Variants in FAM219A observed in about 807,000 individuals in gnomAD.
FAM219A encodes family with sequence similarity 219 member A.
FAM219A carries 7 observed loss-of-function variants against 23.4 expected under a neutral mutation model. That is an observed-to-expected ratio of 0.30 (90% CI 0.17 to 0.56). The LOEUF (loss-of-function observed/expected upper bound fraction) is 0.56. Ranked by LOEUF, FAM219A falls within the 20% of genes least tolerant of loss-of-function variation. The pLI, the probability that FAM219A is intolerant of heterozygous loss-of-function variation, is 0.92. For synonymous variants in FAM219A, 93 were observed against 99.0 expected (o/e 0.94, Z 0.36); for missense variants, 166 against 246.9 (o/e 0.67, Z 2.20).
At chr9:34,439,497 A>G (rs1045940117) in intron 1 of FAM219A, among the ~76,000 whole-genome samples, 1 of 152,194 alleles carries the variant, frequency 6.6e-6, no homozygotes, top group Non-Finnish European at 1.5e-5. Context: ...GACTAATTTT[A>G]CATACTTACG....
At position 34,440,239 on chromosome 9, in the gene FAM219A, C is replaced by T. The variant is rs147351685; in HGVS notation, c.60+17965G>A. 2.0e-5 allele frequency among the ~76,000 whole-genome samples: 3 copies of T among 152,302 alleles called. No individual in the cohort carries two copies. In the East Asian group the frequency reaches 5.8e-4, roughly 29 times the overall value. On this transcript the variant is annotated intron_variant, in intron 1 of 5. Transcript: ENST00000651358. ...AGACTTCCTGCTCCATCAGATGCTC[C>T]ATTGTGTTGGACATAATTATCTGGG...
Position 34,402,801 on chromosome 9 carries a change from T to C in FAM219A, c.167A>G (p.Gln56Arg). 1 of 1,614,030 alleles carries C rather than the reference T, an allele frequency of 6.2e-7. No homozygotes were observed. Among genetic ancestry groups the C allele is most frequent in the Non-Finnish European group, 8.5e-7 (1 of 1,179,896 alleles). Residue 56 changes from glutamine (Q) to arginine (R), a missense_variant, in exon 3 of 6, where the codon CAG becomes CGG. Gln to Arg is a conservative substitution (Grantham distance 43, BLOSUM62 1). Coordinates refer to ENST00000651358, the MANE Select transcript of FAM219A (RefSeq NM_001184940.2). ...GGAGCCCTTCCGGGCCAGCTCCCGC[T>C]GCTTCTCTGCAGGAGAACATGGGAA... ...PSPLQVKLEK[Q>R]RELARKGSLK...
At chr9:34,449,845 A>G (rs1823498120) in intron 1 of FAM219A, among the ~76,000 whole-genome samples, 1 of 152,236 alleles carries the variant, frequency 6.6e-6, no homozygotes, top group Non-Finnish European at 1.5e-5. Context: ...GTGATGGGAT[A>G]GAGCATATAG....
At chr9:34,448,196 TATG>T (rs1403643606) in intron 1 of FAM219A, among the ~76,000 whole-genome samples, 1 of 152,184 alleles carries the variant, frequency 6.6e-6, no homozygotes, top group Non-Finnish European at 1.5e-5. Context: ...TAAGGAGCCA[TATG>T]ATAAGACTTT....
Position 34,400,727 on chromosome 9 carries a change from G to T in FAM219A, c.*237C>A. On this transcript the variant is annotated 3_prime_UTR_variant, in exon 6 of 6. Transcript: ENST00000651358. ...GTTCCCCCAGGTAACTGAACAAACG[G>T]CCCCCACCCCTCCTCAGCTCCCGGG... 1 of 416,350 alleles carries T rather than the reference G, an allele frequency of 2.4e-6. No individual in the cohort carries two copies. Among genetic ancestry groups the T allele is most frequent in the Non-Finnish European group, 4.2e-6 (1 of 237,238 alleles). 25.8% of individuals were successfully genotyped at this position (416,350 alleles called of 1,614,324 possible).
At chr9:34,447,121 C>T (rs1009758062) in intron 1 of FAM219A, among the ~76,000 whole-genome samples, 7 of 152,250 alleles carry the variant, frequency 4.6e-5, no homozygotes, top group South Asian at 2.1e-4. Context: ...AGTCACATGA[C>T]ACACATGTAG....
chr9:34,421,368 C>G (rs915170656), intron 1 of FAM219A, among the ~76,000 whole-genome samples: 1 of 151,994 alleles, frequency 6.6e-6, no homozygotes, highest in African/African-American at 2.4e-5. Context: ...TGAGGCTAGC[C>G]AGTTGCTGGT....
chr9:34,425,636 G>C lies in FAM219A; in HGVS notation c.61-19672C>G, dbSNP rs1366842966. Reference sequence around the variant, plus strand: ...CAGTTAGTGTTAAGGGGAGATCCTTGTTCTTCTGTCTCCTGCATGCAAACA... The same window carrying C: ...CAGTTAGTGTTAAGGGGAGATCCTTCTTCTTCTGTCTCCTGCATGCAAACA... On this transcript the variant is annotated intron_variant, in intron 1 of 5. Coordinates refer to ENST00000651358, the MANE Select transcript of FAM219A (RefSeq NM_001184940.2). Among the ~76,000 whole-genome samples the C allele has an allele frequency of 9.9e-5, 15 of 152,178 alleles. 1 individual carries two copies. Among genetic ancestry groups the C allele is most frequent in the Admixed American group, 5.9e-4 (9 of 15,272 alleles).
intron 1 of FAM219A, among the ~76,000 whole-genome samples, chr9:34,418,302 G>A (rs1822112170): frequency 6.6e-6 from 1 of 152,092 alleles, no homozygotes; most frequent in African/African-American, 2.4e-5. Context: ...TCATGGTTAG[G>A]ACAAGACTGA....
intron 1 of FAM219A, among the ~76,000 whole-genome samples, chr9:34,449,961 C>T (rs1192233243): frequency 2.0e-5 from 3 of 152,136 alleles, no homozygotes; most frequent in Non-Finnish European, 2.9e-5. Context: ...CTAAACCGTG[C>T]ATGGTGCGTG....
intron 4 of FAM219A, 90 bp downstream of exon 4, chr9:34,402,297 T>C: frequency 6.2e-7 from 1 of 1,614,018 alleles, no homozygotes; most frequent in Non-Finnish European, 8.5e-7. Context: ...ATCCCAATTC[T>C]GACAATATAG....
rs1821304961 is a variant in FAM219A at position 34,398,580 on chromosome 9, C to G, written c.*2384G>C. 1.7e-6 allele frequency: 1 copy of G among 585,542 alleles called. No individual in the cohort carries two copies. Among genetic ancestry groups the G allele is most frequent in the African/African-American group, 1.9e-5 (1 of 53,580 alleles). 36.3% of individuals were successfully genotyped at this position (585,542 alleles called of 1,614,324 possible). A position where few individuals can be genotyped will look rare whatever the true frequency, so the allele number is the denominator to read the frequency against. The stretch of plus-strand genomic sequence containing the variant: ...CTTGCCTGCCAGGGAACTAGTATGT[C>G]CTGTGGGGGGGGAGATTTTCCCTGG... On this transcript the variant is annotated 3_prime_UTR_variant, in exon 6 of 6. Coordinates refer to ENST00000651358, the MANE Select transcript of FAM219A (RefSeq NM_001184940.2).
At chr9:34,437,591 C>A (rs1822969292) in intron 1 of FAM219A, among the ~76,000 whole-genome samples, 2 of 152,254 alleles carry the variant, frequency 1.3e-5, no homozygotes, top group African/African-American at 2.4e-5. Context: ...ACTCCATACA[C>A]CTGGGCTTGA....
intron 1 of FAM219A, among the ~76,000 whole-genome samples, chr9:34,439,150 C>T (rs1318412946): frequency 6.6e-6 from 1 of 152,176 alleles, no homozygotes; most frequent in Non-Finnish European, 1.5e-5. Flanking sequence ...ATCTGAACGT[C>T]AGAAGGAACA....
chr9:34,408,965 G>A (rs1373934225), intron 1 of FAM219A, among the ~76,000 whole-genome samples: 1 of 152,240 alleles, frequency 6.6e-6, no homozygotes, highest in Non-Finnish European at 1.5e-5. Flanking sequence ...ATGGGAGGTA[G>A]ATTTCACAGG....
intron 1 of FAM219A, among the ~76,000 whole-genome samples, chr9:34,439,504 T>C (rs530043029): frequency 6.6e-6 from 1 of 152,246 alleles, no homozygotes; most frequent in South Asian, 2.1e-4. Context: ...TTTACATACT[T>C]ACGTAAAATT....
intron 1 of FAM219A, among the ~76,000 whole-genome samples, chr9:34,428,041 C>T (rs1414106911): frequency 6.6e-6 from 1 of 152,214 alleles, no homozygotes; most frequent in Non-Finnish European, 1.5e-5. Context: ...TATATACTTC[C>T]ACAATCAAAT....
chr9:34,417,492 G>A lies in FAM219A; in HGVS notation c.61-11528C>T, dbSNP rs1282191379. On this transcript the variant is annotated intron_variant, in intron 1 of 5. Coordinates refer to ENST00000651358, the MANE Select transcript of FAM219A (RefSeq NM_001184940.2). The surrounding 1 kb of genome is among the most constrained non-coding windows in gnomAD (Gnocchi z 4.1). The stretch of plus-strand genomic sequence containing the variant: ...GCAACTTTTCACTATTATAGATAAT[G>A]CTACACTGAAATCCACATATATTTA... 1.3e-5 allele frequency among the ~76,000 whole-genome samples: 2 copies of A among 152,144 alleles called. No homozygotes were observed. The highest frequency in any genetic ancestry group is 2.9e-5 in the Non-Finnish European group (2 of 68,038).
At chr9:34,454,176 G>A (rs1356471829) in intron 1 of FAM219A, among the ~76,000 whole-genome samples, 1 of 152,158 alleles carries the variant, frequency 6.6e-6, no homozygotes, top group Non-Finnish European at 1.5e-5. Context: ...GGTGGCTCAC[G>A]CCTGTAATCC....
Sources: gnomAD v4.1 joint callset for allele counts (sites outside exome capture counted in the v4.1 genomes callset) on GRCh38, gnomAD v4.1.1 for gene constraint, Gnocchi (gnomAD v3.1) non-coding constraint, MANE v1.5 for transcripts, NCBI Gene and HGNC (gene_info 2026-07-23, HGNC 2026-07-21) for gene names.